PKNOX2: variants seen among roughly 807,000 people sequenced by gnomAD.
The protein encoded by PKNOX2 is homeobox protein PKNOX2.
In PKNOX2, 14 loss-of-function variants were observed where a neutral mutation model predicts 53.1. The ratio of observed to expected loss-of-function variants is 0.26; its 90% CI spans 0.17 to 0.41. The LOEUF (loss-of-function observed/expected upper bound fraction) is 0.41, where lower values mean the gene tolerates loss of function less well. Ranked by LOEUF, PKNOX2 falls within the 10% of genes least tolerant of loss-of-function variation. The pLI is 1.00. For missense variants in PKNOX2, 496 were observed against 602.8 expected, an observed-to-expected ratio of 0.82 and a Z score of 1.85; for synonymous variants, 257 against 242.8, an observed-to-expected ratio of 1.06 and a Z score of -0.54.
chr11:125,397,453 G>A (rs1954476548), intron 6 of PKNOX2, among the ~76,000 whole-genome samples: 1 of 152,230 alleles, frequency 6.6e-6, no homozygotes, highest in Non-Finnish European at 1.5e-5. Context: ...CAACAAACCT[G>A]TAAAGTTGTC....
chr11:125,372,052 A>G (rs1952583334), intron 5 of PKNOX2, among the ~76,000 whole-genome samples: 1 of 152,204 alleles, frequency 6.6e-6, no homozygotes, highest in African/African-American at 2.4e-5. Context: ...AGCACCTTAC[A>G]TGATACCTTA....
At chr11:125,183,702 C>T (rs1186496551) in intron 1 of PKNOX2, among the ~76,000 whole-genome samples, 4 of 151,412 alleles carry the variant, frequency 2.6e-5, no homozygotes, top group African/African-American at 9.7e-5. Flanking sequence ...AAGATAAACA[C>T]CATTTCTAAA....
intron 2 of PKNOX2, among the ~76,000 whole-genome samples, chr11:125,302,555 C>T (rs1054577598): frequency 6.6e-6 from 1 of 152,198 alleles, no homozygotes; most frequent in African/African-American, 2.4e-5. Flanking sequence ...TCTCGGCCAC[C>T]CCCATGTACT....
At chr11:125,390,314 G>A (rs973422298) in intron 6 of PKNOX2, among the ~76,000 whole-genome samples, 15 of 152,194 alleles carry the variant, frequency 9.9e-5, no homozygotes, top group African/African-American at 3.6e-4. Flanking sequence ...GCTGGTCCAT[G>A]GCCCAGGCAG....
intron 1 of PKNOX2, among the ~76,000 whole-genome samples, chr11:125,219,791 A>G (rs1426785663): frequency 1.8e-4 from 27 of 152,260 alleles, no homozygotes. Flanking sequence ...CTGGGGAAAC[A>G]GACTGTCTCA....
intron 2 of PKNOX2, among the ~76,000 whole-genome samples, chr11:125,253,512 C>T (rs1399548077): frequency 6.6e-6 from 1 of 152,250 alleles, no homozygotes; most frequent in African/African-American, 2.4e-5. Context: ...TTCAGGGTCC[C>T]GTGCAAATGC....
intron 2 of PKNOX2, among the ~76,000 whole-genome samples, chr11:125,276,161 T>C (rs902803835): frequency 6.6e-6 from 1 of 152,210 alleles, no homozygotes; most frequent in African/African-American, 2.4e-5. Context: ...CCATTTACTT[T>C]GGCAAGATAT....
At chr11:125,217,022 C>T (rs578255153) in intron 1 of PKNOX2, among the ~76,000 whole-genome samples, 2 of 152,050 alleles carry the variant, frequency 1.3e-5, no homozygotes, top group South Asian at 2.1e-4. Context: ...CACACACACA[C>T]ACACACACAC....
chr11:125,408,628 G>A (rs984293883), intron 7 of PKNOX2, among the ~76,000 whole-genome samples: 2 of 152,198 alleles, frequency 1.3e-5, no homozygotes, highest in Non-Finnish European at 2.9e-5. Flanking sequence ...TGGAGGAGAC[G>A]CCAAGGGGGA....
At chr11:125,210,274 C>A (rs1333454215) in intron 1 of PKNOX2, among the ~76,000 whole-genome samples, 2 of 152,146 alleles carry the variant, frequency 1.3e-5, no homozygotes, top group East Asian at 3.8e-4. Flanking sequence ...CGGAGGGAGT[C>A]TGGCTAAAAC....
At chr11:125,239,815 G>C (rs765117141) in intron 2 of PKNOX2, 2 of 152,288 alleles carry the variant, frequency 1.3e-5, no homozygotes, top group African/African-American at 2.4e-5. Flanking sequence ...GGTTCTCATG[G>C]CCTCCATCTA....
chr11:125,423,792 G>A (rs1169807624), intron 10 of PKNOX2, among the ~76,000 whole-genome samples: 6 of 152,150 alleles, frequency 3.9e-5, no homozygotes, highest in African/African-American at 1.4e-4. Flanking sequence ...ATGGGGATGG[G>A]GAGGAGGTTA....
At chr11:125,222,464 G>A (rs34140247) in intron 1 of PKNOX2, among the ~76,000 whole-genome samples, 22,924 of 152,086 alleles carry the variant, frequency 0.15, 1,780 homozygotes, top group Middle Eastern at 0.18. Context: ...ATTCTCACCT[G>A]AGTACCTAGG....
intron 6 of PKNOX2, among the ~76,000 whole-genome samples, chr11:125,392,154 A>C (rs762814906): frequency 9.8e-5 from 15 of 152,326 alleles, no homozygotes; most frequent in Non-Finnish European, 1.6e-4. Context: ...ACTTGCATGC[A>C]TTTGGTTTAC....
intron 5 of PKNOX2, among the ~76,000 whole-genome samples, chr11:125,380,609 G>C (rs1365917499): frequency 6.6e-6 from 1 of 152,174 alleles, no homozygotes; most frequent in Non-Finnish European, 1.5e-5. Flanking sequence ...TGGAGGATGT[G>C]GACCCACAGT....
chr11:125,262,672 C>G (rs1314487433), intron 2 of PKNOX2, among the ~76,000 whole-genome samples: 5 of 151,596 alleles, frequency 3.3e-5, no homozygotes, highest in Non-Finnish European at 7.4e-5. Flanking sequence ...CTCTCTCTAC[C>G]CCACAGGCTT....
At chr11:125,203,915 G>T (rs749319764) in intron 1 of PKNOX2, among the ~76,000 whole-genome samples, 2 of 152,096 alleles carry the variant, frequency 1.3e-5, no homozygotes. Flanking sequence ...CCCAAGCTTC[G>T]TTTCCCCAAA....
chr11:125,324,576 G>A (rs553227697), intron 2 of PKNOX2, among the ~76,000 whole-genome samples: 109 of 152,328 alleles, frequency 7.2e-4, no homozygotes, highest in African/African-American at 2.5e-3. Flanking sequence ...GGCTGGCTAA[G>A]TGTGAAGAGA....
In PKNOX2 at chr11:125,299,896, A is replaced by G. The variant is rs148584865; in HGVS notation, c.-129-31923A>G. On this transcript the variant is annotated intron_variant, in intron 2 of 12. Transcript: ENST00000298282. ...CCAAAAGCAGCCTGGTCTCTTCCCCATCTCACCGTCTGTTTCTGAGACACC... is the reference window on the plus strand; with the variant it reads ...CCAAAAGCAGCCTGGTCTCTTCCCCGTCTCACCGTCTGTTTCTGAGACACC... Among the ~76,000 whole-genome samples, 15 of 152,284 alleles carry G rather than the reference A, an allele frequency of 9.9e-5. 1 individual carries two copies. Among genetic ancestry groups the G allele is most frequent in the African/African-American group, 3.6e-4 (15 of 41,564 alleles).
Sources: gnomAD v4.1 joint callset for allele counts (sites outside exome capture counted in the v4.1 genomes callset) on GRCh38, gnomAD v4.1.1 for gene constraint, MANE v1.5 for transcripts, NCBI Gene and HGNC (gene_info 2026-07-23, HGNC 2026-07-21) for gene names.